The following KCTD1 variants were observed in gnomAD, a reference collection of about 807,000 sequenced individuals.
KCTD1 encodes BTB/POZ domain-containing protein KCTD1.
KCTD1 carries 24 observed loss-of-function variants against 66.0 expected under a neutral mutation model. The ratio of observed to expected loss-of-function variants is 0.36; its 90% CI spans 0.26 to 0.51. KCTD1 has a LOEUF of 0.51. Among genes scored for constraint, KCTD1 ranks in the 20% least tolerant of loss-of-function variants. The pLI is 0.95. For synonymous variants in KCTD1, 511 were observed against 517.2 expected (o/e 0.99, Z 0.16); for missense variants, 943 against 1,205.2 (o/e 0.78, Z 3.22).
intron 1 of KCTD1, among the ~76,000 whole-genome samples, chr18:26,560,009 T>C (rs1985807170): frequency 6.6e-6 from 1 of 152,154 alleles, no homozygotes; most frequent in Non-Finnish European, 1.5e-5. Flanking sequence ...TTCCTTCTCT[T>C]TGGGAGGCTT....
At chr18:26,523,704 G>T (rs979882031) in intron 1 of KCTD1, among the ~76,000 whole-genome samples, 21 of 152,172 alleles carry the variant, frequency 1.4e-4, no homozygotes, top group African/African-American at 4.8e-4. Flanking sequence ...GCCTTGTGTG[G>T]TTTTCTGAGA....
intron 1 of KCTD1, chr18:26,629,099 A>G: frequency 1.1e-6 from 1 of 900,448 alleles, no homozygotes; most frequent in Non-Finnish European, 1.3e-6. Flanking sequence ...AGATGGCAAC[A>G]AATCTACAAC....
intron 2 of KCTD1, among the ~76,000 whole-genome samples, chr18:26,477,991 C>CA (rs776450955): frequency 6.6e-6 from 1 of 152,268 alleles, no homozygotes; most frequent in East Asian, 1.9e-4. Context: ...CACTGCATGC[C>CA]ACCTAGTCAT....
At chr18:26,549,208 G>A, upstream of KCTD1, 1 of 986,650 alleles carries the variant, frequency 1.0e-6, no homozygotes, top group Non-Finnish European at 1.2e-6. Context: ...TTGGGAGCGG[G>A]ATGGGGCTGG....
chr18:26,649,820 GGAGA>G (rs1568020797), intron 1 of KCTD1, among the ~76,000 whole-genome samples: 1 of 152,176 alleles, frequency 6.6e-6, no homozygotes, highest in African/African-American at 2.4e-5. Flanking sequence ...TCCTTTTCCA[GGAGA>G]GAGAGGCAAT....
At chr18:26,622,145 C>CA (rs1244797367) in intron 1 of KCTD1, among the ~76,000 whole-genome samples, 3 of 151,904 alleles carry the variant, frequency 2.0e-5, no homozygotes, top group Admixed American at 2.0e-4. Context: ...CTATGGCTTG[C>CA]AAACTGTCTA....
At chr18:26,479,848 G>A (rs1422130887) in intron 2 of KCTD1, among the ~76,000 whole-genome samples, 3 of 152,170 alleles carry the variant, frequency 2.0e-5, no homozygotes, top group African/African-American at 7.2e-5. Context: ...GCAAATAATG[G>A]GGAAAATCGG....
chr18:26,645,691 C>T (rs1032790571), intron 1 of KCTD1, among the ~76,000 whole-genome samples: 3 of 152,162 alleles, frequency 2.0e-5, no homozygotes, highest in Non-Finnish European at 2.9e-5. Flanking sequence ...AGCTGCCGTG[C>T]CCACCTGTGT....
At chr18:26,461,266 T>G (rs1303070599) in intron 3 of KCTD1, among the ~76,000 whole-genome samples, 1 of 152,222 alleles carries the variant, frequency 6.6e-6, no homozygotes, top group Non-Finnish European at 1.5e-5. Flanking sequence ...TTGGGGGTCT[T>G]TAGCTGGGTA....
At chr18:26,576,959 A>C (rs1240089513) in intron 1 of KCTD1, among the ~76,000 whole-genome samples, 1 of 152,204 alleles carries the variant, frequency 6.6e-6, no homozygotes, top group Non-Finnish European at 1.5e-5. Context: ...CTTTGTAACC[A>C]TGCCTAGTTT....
At chr18:26,526,996 T>C (rs1567980856) in intron 1 of KCTD1, among the ~76,000 whole-genome samples, 1 of 152,072 alleles carries the variant, frequency 6.6e-6, no homozygotes, top group Admixed American at 6.5e-5. Flanking sequence ...CTGTGAGCAC[T>C]AATGCTTTAA....
At chr18:26,584,627 C>T (rs1986432095) in intron 1 of KCTD1, among the ~76,000 whole-genome samples, 2 of 152,060 alleles carry the variant, frequency 1.3e-5, no homozygotes, top group African/African-American at 4.8e-5. Flanking sequence ...AGACACAGTC[C>T]CTGCCTTTAA....
chr18:26,547,100 G>A lies in KCTD1; in HGVS notation c.1437C>T (p.Cys479=). Residue 479 remains cysteine, a synonymous_variant, in exon 1 of 5, where the codon TGC becomes TGT. Transcript: ENST00000580059. ...TKLGSPAPQG[C]YAEALNGAAR... ...CCGCCCCGTTCAGAGCCTCGGCGTA[G>A]CAGCCCTGCGGGGCGGGCGAGCCCA... The A allele has an allele frequency of 6.5e-7, 1 of 1,547,778 alleles. No individual in the cohort carries two copies. Among genetic ancestry groups the A allele is most frequent in the Non-Finnish European group, 8.7e-7 (1 of 1,146,406 alleles).
In KCTD1 at chr18:26,506,198, A is replaced by G. The variant is rs551163796; in HGVS notation, c.1810-4948T>C. ...CGCCCAGCCCATAACACTTATTAACATCTCTTGAGTGCCAGACACTGTTCA... is the reference window on the plus strand; with the variant it reads ...CGCCCAGCCCATAACACTTATTAACGTCTCTTGAGTGCCAGACACTGTTCA... On this transcript the variant is annotated intron_variant, in intron 1 of 4. Transcript: ENST00000580059. 7.9e-5 allele frequency among the ~76,000 whole-genome samples: 12 copies of G among 152,264 alleles called. No homozygotes were observed. In the East Asian group the frequency reaches 1.4e-3, roughly 17 times the overall value.
rs750782571 is a variant in KCTD1 at position 26,455,905 on chromosome 18, C to T, written c.2440-4G>A. 5.0e-5 allele frequency: 80 copies of T among 1,612,408 alleles called. No homozygotes were observed. The highest frequency in any genetic ancestry group is 8.9e-5 in the East Asian group (4 of 44,832). On this transcript the variant is annotated splice_region_variant and splice_polypyrimidine_tract_variant and intron_variant, in intron 4 of 4. Coordinates refer to ENST00000580059, the MANE Select transcript of KCTD1 (RefSeq NM_001142730.3). ...TTTGCTGCAACCTCTCGAGGACCTG[C>T]GAGGGAACAAGACAAGCATCCAGTT...
intron 1 of KCTD1, among the ~76,000 whole-genome samples, chr18:26,508,021 A>C: frequency 6.6e-6 from 1 of 151,496 alleles, no homozygotes; most frequent in South Asian, 2.1e-4. Context: ...TCCTCCAATC[A>C]GAACACTTTA....
chr18:26,467,136 GTTTT>G (rs71376962), intron 3 of KCTD1, among the ~76,000 whole-genome samples: 1 of 130,260 alleles, frequency 7.7e-6, no homozygotes, highest in Admixed American at 7.4e-5. Flanking sequence ...GGTATAGTTT[GTTTT>G]TTTTTTTTTG....
At chr18:26,548,680 G>C (rs1985401702), upstream of KCTD1, 3 of 1,020,738 alleles carry the variant, frequency 2.9e-6, no homozygotes, top group Non-Finnish European at 3.7e-6. Context: ...TGTCATTCCC[G>C]AGCGCAGCTC....
At chr18:26,645,366 C>T (rs1291286013) in intron 1 of KCTD1, among the ~76,000 whole-genome samples, 2 of 152,158 alleles carry the variant, frequency 1.3e-5, no homozygotes, top group African/African-American at 2.4e-5. Flanking sequence ...CGTCCTGCCT[C>T]AGCCTCCTGA....
Sources: gnomAD v4.1 joint callset for allele counts (sites outside exome capture counted in the v4.1 genomes callset) on GRCh38, gnomAD v4.1.1 for gene constraint, MANE v1.5 for transcripts, NCBI Gene and HGNC (gene_info 2026-07-23, HGNC 2026-07-21) for gene names.